RPL37: variants seen among roughly 807,000 people sequenced by gnomAD.
RPL37 encodes ribosomal protein L37, also known as large ribosomal subunit protein eL37.
In RPL37, 1 loss-of-function variant was observed where a neutral mutation model predicts 14.8. The observed-to-expected ratio is 0.07, with a 90% CI of 0.02 to 0.32. The LOEUF is 0.32. RPL37 is among the 10% of genes least tolerant of loss of function. The pLI is 1.00. For missense variants in RPL37, 100 were observed against 128.3 expected (o/e 0.78, Z 1.06); for synonymous variants, 53 against 45.8 (o/e 1.16, Z -0.63).
intron 3 of RPL37, 49 bp from the exon 4 acceptor site, chr5:40,832,622 A>G: frequency 7.1e-7 from 1 of 1,406,172 alleles, no homozygotes; most frequent in Non-Finnish European, 1.0e-6. Flanking sequence ...ACATCGATGC[A>G]TACATTTTAA....
rs1011690390 is a variant in RPL37 at position 40,827,639 on chromosome 5, C to T, written c.*4865G>A. On this transcript the variant is annotated 3_prime_UTR_variant, in exon 4 of 4. Transcript: ENST00000274242. ...ACACACGATGCTTATTCTACATACT[C>T]GTGTACATGAGAACCATTTTTCCAT... 1.3e-5 allele frequency: 2 copies of T among 152,148 alleles called. No individual in the cohort carries two copies. The highest frequency in any genetic ancestry group is 2.4e-5 in the African/African-American group (1 of 41,436). 9.4% of individuals were successfully genotyped at this position (152,148 alleles called of 1,614,324 possible).
At position 40,826,698 on chromosome 5, in the gene RPL37, A is replaced by G. The variant is rs1745525717; in HGVS notation, c.*5806T>C. The G allele has an allele frequency of 6.6e-6, 1 of 152,218 alleles. No homozygotes were observed. Among genetic ancestry groups the G allele is most frequent in the South Asian group, 2.1e-4 (1 of 4,834 alleles). 9.4% of individuals were successfully genotyped at this position (152,218 alleles called of 1,614,324 possible). On this transcript the variant is annotated 3_prime_UTR_variant, in exon 4 of 4. Transcript: ENST00000274242. Reference sequence around the variant, plus strand: ...ATGTTTCCTGAGGACCAGATGTGTGACACTCAGGAGAGAGCCGGCATAAAA... The same window carrying G: ...ATGTTTCCTGAGGACCAGATGTGTGGCACTCAGGAGAGAGCCGGCATAAAA...
At chr5:40,832,688 T>C in intron 3 of RPL37, 115 bp from the exon 4 acceptor site, 1 of 806,976 alleles carries the variant, frequency 1.2e-6, no homozygotes, top group South Asian at 1.3e-5. Flanking sequence ...AAATCAATAC[T>C]GCATTCATAT....
Position 40,832,005 on chromosome 5 carries a change from C to G in RPL37, c.*499G>C, listed in dbSNP as rs775259901. The G allele has an allele frequency of 1.0e-4, 17 of 163,970 alleles. No individual in the cohort carries two copies. Among genetic ancestry groups the G allele is most frequent in the Admixed American group, 2.8e-4 (5 of 17,758 alleles). The allele number at this position is 163,970 out of a possible 1,614,324, so 10.2% of individuals were successfully genotyped here. A position where few individuals can be genotyped will look rare whatever the true frequency, so the allele number is the denominator to read the frequency against. On this transcript the variant is annotated 3_prime_UTR_variant, in exon 4 of 4. Coordinates refer to ENST00000274242, the MANE Select transcript of RPL37 (RefSeq NM_000997.5). ...AGTCAGGTGTGCCAAGTGAGCATTACAGATACTAGGATAAGATCATCTTTT... is the reference window on the plus strand; with the variant it reads ...AGTCAGGTGTGCCAAGTGAGCATTAGAGATACTAGGATAAGATCATCTTTT...
At position 40,834,060 on chromosome 5, in the gene RPL37, TAA is replaced by T. The variant is rs1476661426; in HGVS notation, c.224+119_224+120del. ...ACCCTGCCTCAAAAACAACAATAAA[TAA>T]AAAGCTTCCAACATCTCATCCCCAG... is the stretch of plus-strand genomic sequence containing the variant. On this transcript the variant is annotated intron_variant, in intron 3 of 3. Transcript: ENST00000274242. 4 of 739,418 alleles carry T rather than the reference TAA, an allele frequency of 5.4e-6. No individual in the cohort carries two copies. The Admixed American group carries it at 9.3e-5, about 17-fold the overall frequency. 45.8% of individuals were successfully genotyped at this position (739,418 alleles called of 1,614,324 possible).
rs1745569345 is a variant in RPL37, at chr5:40,828,600, CTAACA to C, written c.*3899_*3903del. 1 of 152,170 alleles carries C rather than the reference CTAACA, an allele frequency of 6.6e-6. No individual in the cohort carries two copies. Among genetic ancestry groups the C allele is most frequent in the South Asian group, 2.1e-4 (1 of 4,822 alleles). 9.4% of individuals were successfully genotyped at this position (152,170 alleles called of 1,614,324 possible). The stretch of plus-strand genomic sequence containing the variant: ...GGCAAACTGGTTTTTCTTTGCTGCT[CTAACA>C]TGAGAGAGGTTTATGAAAAGTAAAG... On this transcript the variant is annotated 3_prime_UTR_variant, in exon 4 of 4. Transcript: ENST00000274242.
At position 40,834,262 on chromosome 5, in the gene RPL37, T is replaced by G; in HGVS notation, c.143A>C (p.Asn48Thr). The G allele has an allele frequency of 6.2e-7, 1 of 1,613,874 alleles. No homozygotes were observed. Among genetic ancestry groups the G allele is most frequent in the East Asian group, 2.2e-5 (1 of 44,888 alleles). ...TCGTCTTTTAGCCTTGGCACTCCAG[T>G]TATCTAAAACATAAGTTCAGAAAAG... ...GYPAKRKRKY[N>T]WSAKAKRRNT... Residue 48 changes from asparagine to threonine, a missense_variant, in exon 3 of 4, where the codon AAC (asparagine) becomes ACC (threonine). Asn to Thr is a moderately conservative substitution (Grantham distance 65). This residue lies in a region of RPL37 where 74 missense variants were observed against 69.9 expected (regional missense o/e 1.06). Coordinates refer to ENST00000274242, the MANE Select transcript of RPL37 (RefSeq NM_000997.5).
chr5:40,829,671 G>T lies in RPL37; in HGVS notation c.*2833C>A, dbSNP rs1303047529. 7 of 55,662 alleles carry T rather than the reference G, an allele frequency of 1.3e-4. No individual in the cohort carries two copies. Among genetic ancestry groups the T allele is most frequent in the East Asian group, 3.9e-3 (1 of 256 alleles). The allele number at this position is 55,662 out of a possible 1,614,324, so 3.4% of individuals were successfully genotyped here. A position where few individuals can be genotyped will look rare whatever the true frequency, so the allele number is the denominator to read the frequency against. ...CATTTATCCATCATAGTGTGTGTGT[G>T]TGTGTGTATATATATATATATATAT... On this transcript the variant is annotated 3_prime_UTR_variant, in exon 4 of 4. Coordinates refer to ENST00000274242, the MANE Select transcript of RPL37 (RefSeq NM_000997.5).
In RPL37 at chr5:40,827,425, G is replaced by C. The variant is rs981297441; in HGVS notation, c.*5079C>G. The C allele has an allele frequency of 6.6e-6, 1 of 152,144 alleles. No individual in the cohort carries two copies. The highest frequency in any genetic ancestry group is 1.5e-5 in the Non-Finnish European group (1 of 68,026). 9.4% of individuals were successfully genotyped at this position (152,144 alleles called of 1,614,324 possible). On this transcript the variant is annotated 3_prime_UTR_variant, in exon 4 of 4. Transcript: ENST00000274242. ...AAGATTACCTTCTGACGATTACATAGGACTGCACGTTTTACCTATTGAAAT... is the reference window on the plus strand; with the variant it reads ...AAGATTACCTTCTGACGATTACATACGACTGCACGTTTTACCTATTGAAAT...
Position 40,825,554 on chromosome 5 carries a change from TCTGTAGGTTGCTTCC to T in RPL37, c.*6935_*6949del, listed in dbSNP as rs1225955428. On this transcript the variant is annotated 3_prime_UTR_variant, in exon 4 of 4. Transcript: ENST00000274242. The stretch of plus-strand genomic sequence containing the variant: ...TCCTCTCTTGGGGAGCTGCTGCTTC[TCTGTAGGTTGCTTCC>T]CTGTGACGCAGGGACCATAGTTTCT... 1 of 152,356 alleles carries T rather than the reference TCTGTAGGTTGCTTCC, an allele frequency of 6.6e-6. No individual in the cohort carries two copies. The highest frequency in any genetic ancestry group is 1.5e-5 in the Non-Finnish European group (1 of 68,154). 9.4% of individuals were successfully genotyped at this position (152,356 alleles called of 1,614,324 possible). A position where few individuals can be genotyped will look rare whatever the true frequency, so the allele number is the denominator to read the frequency against.
rs1450992858 is a variant in RPL37 at position 40,831,510 on chromosome 5, C to A, written c.*994G>T. On this transcript the variant is annotated 3_prime_UTR_variant, in exon 4 of 4. Transcript: ENST00000274242. ...TACCCTTCCAAGGCCAGGTTAAGAA[C>A]CTCAGATGTTATTCTAAACACAGTG... 6.6e-6 allele frequency: 1 copy of A among 152,300 alleles called. No homozygotes were observed. Among genetic ancestry groups the A allele is most frequent in the African/African-American group, 2.4e-5 (1 of 41,436 alleles). 9.4% of individuals were successfully genotyped at this position (152,300 alleles called of 1,614,324 possible).
At position 40,834,562 on chromosome 5, in the gene RPL37, G is replaced by A. The variant is rs145052672; in HGVS notation, c.48C>T (p.His16=). ...TAGAGCCACAGCGGCGGCACAACGTGTGCGTCTTATTGCGACGCTTTCCAA... is the reference window on the plus strand; with the variant it reads ...TAGAGCCACAGCGGCGGCACAACGTATGCGTCTTATTGCGACGCTTTCCAA... ...SSFGKRRNKT[H]TLCRRCGSKA... The change falls in exon 2 of 4, where the codon CAC becomes CAT. Residue 16 remains histidine (H), a synonymous_variant. Coordinates refer to ENST00000274242, the MANE Select transcript of RPL37 (RefSeq NM_000997.5). The A allele has an allele frequency of 1.2e-4, 197 of 1,613,954 alleles. No homozygotes were observed. Among genetic ancestry groups the A allele is most frequent in the Non-Finnish European group, 2.4e-5 (28 of 1,180,014 alleles).
rs938634121 is a variant in RPL37 at position 40,825,972 on chromosome 5, C to A, written c.*6532G>T. On this transcript the variant is annotated 3_prime_UTR_variant, in exon 4 of 4. Transcript: ENST00000274242. ...CTACCCGCCTCAGAGCCTCCCAAGG[C>A]GTGTGGGATTACAGATGTGAGCCTC... The A allele has an allele frequency of 2.0e-5, 3 of 152,200 alleles. No homozygotes were observed. The highest frequency in any genetic ancestry group is 2.9e-5 in the Non-Finnish European group (2 of 68,072). 9.4% of individuals were successfully genotyped at this position (152,200 alleles called of 1,614,324 possible). A position where few individuals can be genotyped will look rare whatever the true frequency, so the allele number is the denominator to read the frequency against.
chr5:40,829,531 T>C lies in RPL37; in HGVS notation c.*2973A>G, dbSNP rs1009816194. On this transcript the variant is annotated 3_prime_UTR_variant, in exon 4 of 4. Coordinates refer to ENST00000274242, the MANE Select transcript of RPL37 (RefSeq NM_000997.5). Reference sequence around the variant, plus strand: ...GCTGTTTCATTGCTGGCAAAGCCACTTACCTTCTCTCTCATCATGATTCCT... The same window carrying C: ...GCTGTTTCATTGCTGGCAAAGCCACCTACCTTCTCTCTCATCATGATTCCT... 6.6e-6 allele frequency: 1 copy of C among 152,192 alleles called. No homozygotes were observed. Among genetic ancestry groups the C allele is most frequent in the African/African-American group, 2.4e-5 (1 of 41,436 alleles). The allele number at this position is 152,192 out of a possible 1,614,324, so 9.4% of individuals were successfully genotyped here. A position where few individuals can be genotyped will look rare whatever the true frequency, so the allele number is the denominator to read the frequency against.
rs1426541158 is a variant in RPL37 at position 40,828,163 on chromosome 5, AATG to A, written c.*4338_*4340del. The A allele has an allele frequency of 1.3e-5, 2 of 152,230 alleles. No homozygotes were observed. The highest frequency in any genetic ancestry group is 1.5e-5 in the Non-Finnish European group (1 of 68,042). 9.4% of individuals were successfully genotyped at this position (152,230 alleles called of 1,614,324 possible). A position where few individuals can be genotyped will look rare whatever the true frequency, so the allele number is the denominator to read the frequency against. ...GCAACCCAAAACTCAAAAAGGGCTG[AATG>A]ATAAGTCATTCAGGTAAAGACAAAA... On this transcript the variant is annotated 3_prime_UTR_variant, in exon 4 of 4. Coordinates refer to ENST00000274242, the MANE Select transcript of RPL37 (RefSeq NM_000997.5).
chr5:40,833,288 A>T (rs1259460195), intron 3 of RPL37, among the ~76,000 whole-genome samples: 1 of 152,242 alleles, frequency 6.6e-6, no homozygotes, highest in Non-Finnish European at 1.5e-5. Context: ...TCAATTTTGC[A>T]CTGGACAATC....
At chr5:40,832,766 T>C (rs745410007) in intron 3 of RPL37, 193 bp from the exon 4 acceptor site, 2 of 706,150 alleles carry the variant, frequency 2.8e-6, no homozygotes, top group Non-Finnish European at 2.7e-6. Context: ...AAGATACCCA[T>C]TTTCGGATAT....
rs537241692 is a variant in RPL37, at chr5:40,831,526, A to G, written c.*978T>C. 3.9e-5 allele frequency: 6 copies of G among 152,374 alleles called. No homozygotes were observed. Among genetic ancestry groups the G allele is most frequent in the Non-Finnish European group, 8.8e-5 (6 of 68,022 alleles). 9.4% of individuals were successfully genotyped at this position (152,374 alleles called of 1,614,324 possible). A position where few individuals can be genotyped will look rare whatever the true frequency, so the allele number is the denominator to read the frequency against. ...GGTTAAGAACCTCAGATGTTATTCT[A>G]AACACAGTGGAGAATTATAATTTAA... On this transcript the variant is annotated 3_prime_UTR_variant, in exon 4 of 4. Coordinates refer to ENST00000274242, the MANE Select transcript of RPL37 (RefSeq NM_000997.5).
rs368592376 is a variant in RPL37, at chr5:40,826,647, G to A, written c.*5857C>T. The A allele has an allele frequency of 6.6e-6, 1 of 152,180 alleles. No homozygotes were observed. Among genetic ancestry groups the A allele is most frequent in the East Asian group, 1.9e-4 (1 of 5,202 alleles). The allele number at this position is 152,180 out of a possible 1,614,324, so 9.4% of individuals were successfully genotyped here. On this transcript the variant is annotated 3_prime_UTR_variant, in exon 4 of 4. Coordinates refer to ENST00000274242, the MANE Select transcript of RPL37 (RefSeq NM_000997.5). ...GCTGCCATGCGATCTCCCTGAAATT[G>A]TTTTTTTCAGGCCAGGGATGTGAGA...
Sources: gnomAD v4.1 joint callset for allele counts (sites outside exome capture counted in the v4.1 genomes callset) on GRCh38, gnomAD v4.1.1 for gene constraint, gnomAD v4.1.1 regional missense constraint, MANE v1.5 for transcripts, NCBI Gene and HGNC (gene_info 2026-07-23, HGNC 2026-07-21) for gene names.